The following CFAP46 variants were observed in gnomAD, a reference collection of about 807,000 sequenced individuals.
CFAP46 encodes the protein cilia- and flagella-associated protein 46.
Under a neutral mutation model 325.7 loss-of-function variants are expected in CFAP46, and 245 were observed. The ratio of observed to expected loss-of-function variants is 0.75; its 90% CI spans 0.68 to 0.84. The LOEUF (loss-of-function observed/expected upper bound fraction) is 0.84, where lower values mean the gene tolerates loss of function less well. CFAP46 is among the 40% of genes least tolerant of loss of function. The pLI, the probability that CFAP46 is intolerant of heterozygous loss-of-function variation, is 0.00. For synonymous variants in CFAP46, 1,523 were observed against 1,495.9 expected (o/e 1.02, Z -0.42); for missense variants, 3,346 against 3,543.0 (o/e 0.94, Z 1.41).
Position 132,916,655 on chromosome 10 carries a change from CT to C in CFAP46, c.2013del (p.Gly672ValfsTer2). On this transcript the variant is annotated frameshift_variant, in exon 17 of 58. Transcript: ENST00000368586. LOFTEE classifies it high-confidence loss of function. ...AEATVHLLRS[E>X]GVELNDRAIP... ...ATGGCCCGGTCATTCAGCTCTACACCTTCTGACCGCAGCAAATGAACCGTGG... is the reference window on the plus strand; with the variant it reads ...ATGGCCCGGTCATTCAGCTCTACACCTCTGACCGCAGCAAATGAACCGTGG... The C allele has an allele frequency of 6.7e-7, 1 of 1,500,832 alleles. No homozygotes were observed. The highest frequency in any genetic ancestry group is 8.9e-7 in the Non-Finnish European group (1 of 1,120,824). 93.0% of individuals were successfully genotyped at this position (1,500,832 alleles called of 1,614,324 possible). A position where few individuals can be genotyped will look rare whatever the true frequency, so the allele number is the denominator to read the frequency against.
chr10:132,881,594 A>C lies in CFAP46; in HGVS notation c.3628-562T>G, dbSNP rs115458550. On this transcript the variant is annotated intron_variant, in intron 27 of 57. Coordinates refer to ENST00000368586, the MANE Select transcript of CFAP46 (RefSeq NM_001200049.3). ...CTTGCAGAGCAGAGCCTCAGCCCTG[A>C]GAGCCAGGGTTAGCCTGCACCGCAC... 5.3e-3 allele frequency among the ~76,000 whole-genome samples: 796 copies of C among 151,476 alleles called. 6 individuals carry two copies. The highest frequency in any genetic ancestry group is 0.018 in the African/African-American group (730 of 41,026).
chr10:132,931,616 G>C (rs567227618), intron 8 of CFAP46, among the ~76,000 whole-genome samples: 2 of 131,004 alleles, frequency 1.5e-5, no homozygotes, highest in Admixed American at 1.5e-4. Context: ...CAGAGGCTAG[G>C]CCTCCCCACA....
chr10:132,910,050 T>G lies in CFAP46; in HGVS notation c.2518A>C (p.Asn840His). 1 of 1,510,582 alleles carries G rather than the reference T, an allele frequency of 6.6e-7. No homozygotes were observed. The highest frequency in any genetic ancestry group is 8.8e-7 in the Non-Finnish European group (1 of 1,130,798). The allele number at this position is 1,510,582 out of a possible 1,614,324, so 93.6% of individuals were successfully genotyped here. The change falls in exon 20 of 58, where the codon AAC becomes CAC. Residue 840 changes from asparagine to histidine, a missense_variant. By Grantham distance (68) the Asn-to-His change is moderately conservative. Coordinates refer to ENST00000368586, the MANE Select transcript of CFAP46 (RefSeq NM_001200049.3). The part of the protein sequence containing the change: ...TAVEVCEFAL[N>H]LTNGSAPEET... ...TCGGGCGCACTCCCATTGGTCAGGT[T>G]CAGGGCAAACTCGCAGACCTAGGAC...
chr10:132,809,058 C>T (rs1315699920), intron 57 of CFAP46, among the ~76,000 whole-genome samples, 154 bp from the exon 58 acceptor site: 3 of 152,160 alleles, frequency 2.0e-5, no homozygotes, highest in East Asian at 1.9e-4. Flanking sequence ...AGGGCGCCCC[C>T]ACCACCCGCA....
intron 31 of CFAP46, among the ~76,000 whole-genome samples, chr10:132,874,819 A>G (rs1848938471): frequency 6.6e-6 from 1 of 152,258 alleles, no homozygotes; most frequent in Non-Finnish European, 1.5e-5. Context: ...TATACTTCAG[A>G]GTAAAATGCT....
rs1848092089 is a variant in CFAP46 at position 132,828,239 on chromosome 10, A to G, written c.7117+5119T>C. ...GTAGATGGAGTGGAATGACTGCGGC[A>G]TACAACAGGCCTGCTTTAACTTCTT... On this transcript the variant is annotated intron_variant, in intron 50 of 57. Coordinates refer to ENST00000368586, the MANE Select transcript of CFAP46 (RefSeq NM_001200049.3). The surrounding 1 kb of genome is among the most constrained non-coding windows in gnomAD (Gnocchi z 4.9). Among the ~76,000 whole-genome samples, 1 of 152,226 alleles carries G rather than the reference A, an allele frequency of 6.6e-6. No homozygotes were observed. The highest frequency in any genetic ancestry group is 1.5e-5 in the Non-Finnish European group (1 of 68,038).
At chr10:132,810,299 C>G (rs189722854) in intron 57 of CFAP46, 110 bp downstream of exon 57, 4 of 898,530 alleles carry the variant, frequency 4.5e-6, no homozygotes, top group Non-Finnish European at 7.4e-6. Context: ...AGGTCCCCCA[C>G]GGAGAAGCGG....
chr10:132,900,904 C>A (rs1266123983), intron 22 of CFAP46, among the ~76,000 whole-genome samples: 1 of 152,230 alleles, frequency 6.6e-6, no homozygotes, highest in Non-Finnish European at 1.5e-5. Context: ...CCATGTTTTA[C>A]TTCCTGTATT....
chr10:132,858,921 C>T (rs1400993272), intron 38 of CFAP46, 150 bp downstream of exon 38: 5 of 769,960 alleles, frequency 6.5e-6, no homozygotes, highest in African/African-American at 5.3e-5. Context: ...GTGGGTGAGG[C>T]GGCAGCCGAG....
intron 50 of CFAP46, among the ~76,000 whole-genome samples, chr10:132,822,728 CTG>C (rs1368996168): frequency 4.3e-5 from 5 of 116,812 alleles, no homozygotes; most frequent in African/African-American, 1.7e-4. Context: ...CTGATGTGTG[CTG>C]TGTGTGCAGT....
At position 132,867,493 on chromosome 10, in the gene CFAP46, A is replaced by C; in HGVS notation, c.4625T>G (p.Ile1542Ser). The change falls in exon 34 of 58, where the codon ATC becomes AGC. Residue 1542 changes from isoleucine (I) to serine (S), a missense_variant. Coordinates refer to ENST00000368586, the MANE Select transcript of CFAP46 (RefSeq NM_001200049.3). ...ELEQASCRKE[I>S]ALKKEKNKEP... ...CTTATTTTTCTCTTTTTTCAACGCG[A>C]TCTCTTTTCTGCAGCTAATGCGAGG... 1 of 1,549,936 alleles carries C rather than the reference A, an allele frequency of 6.5e-7. No homozygotes were observed. The highest frequency in any genetic ancestry group is 2.4e-5 in the East Asian group (1 of 40,918).
intron 50 of CFAP46, among the ~76,000 whole-genome samples, chr10:132,830,643 G>A (rs1848133541): frequency 6.6e-6 from 1 of 152,180 alleles, no homozygotes; most frequent in Non-Finnish European, 1.5e-5. Context: ...TGACTCTGTA[G>A]TGATGCTGCC....
rs774101168 is a variant in CFAP46, at chr10:132,920,036, G to A, written c.1730+23C>T. On this transcript the variant is annotated intron_variant, in intron 14 of 57. Coordinates refer to ENST00000368586, the MANE Select transcript of CFAP46 (RefSeq NM_001200049.3). ...ACCCCCGGGCTGAGCTGTGCGTGGC[G>A]CTCTGGCCTTTTCCTCACTCACCTC... The A allele has an allele frequency of 7.9e-6, 12 of 1,522,436 alleles. No individual in the cohort carries two copies. In the African/African-American group the frequency reaches 9.7e-5, roughly 12 times the overall value. 94.3% of individuals were successfully genotyped at this position (1,522,436 alleles called of 1,614,324 possible). A position where few individuals can be genotyped will look rare whatever the true frequency, so the allele number is the denominator to read the frequency against.
chr10:132,845,112 C>A (rs540974518), intron 44 of CFAP46, among the ~76,000 whole-genome samples: 1 of 152,332 alleles, frequency 6.6e-6, no homozygotes, highest in South Asian at 2.1e-4. Flanking sequence ...GCCATGCACA[C>A]CCTCCTGGAC....
rs541637076 is a variant in CFAP46 at position 132,885,689 on chromosome 10, T to C, written c.3443+132A>G. The C allele has an allele frequency of 6.1e-5, 33 of 540,690 alleles. No individual in the cohort carries two copies. The African/African-American group carries it at 9.9e-4, about 16-fold the overall frequency. The allele number at this position is 540,690 out of a possible 1,614,324, so 33.5% of individuals were successfully genotyped here. ...AGGTGGTGGGGGGAGCACACTCCGGTGGGGGAGCACACCCCCGGTGGGGAT... is the reference window on the plus strand; with the variant it reads ...AGGTGGTGGGGGGAGCACACTCCGGCGGGGGAGCACACCCCCGGTGGGGAT... On this transcript the variant is annotated intron_variant, in intron 26 of 57. Coordinates refer to ENST00000368586, the MANE Select transcript of CFAP46 (RefSeq NM_001200049.3).
Position 132,860,460 on chromosome 10 carries a change from G to T in CFAP46, c.5155C>A (p.Arg1719=). 6.4e-7 allele frequency: 1 copy of T among 1,551,246 alleles called. No homozygotes were observed. Among genetic ancestry groups the T allele is most frequent in the Non-Finnish European group, 8.7e-7 (1 of 1,147,094 alleles). The change falls in exon 37 of 58, where the codon CGA becomes AGA. Residue 1719 remains arginine, a synonymous_variant. Coordinates refer to ENST00000368586, the MANE Select transcript of CFAP46 (RefSeq NM_001200049.3). Reference sequence around the variant, plus strand: ...ATCATGAATTCCAGTAAAGGCAATCGGTTTGGTCTTTCTTTCTTGAGGATC... The same window carrying T: ...ATCATGAATTCCAGTAAAGGCAATCTGTTTGGTCTTTCTTTCTTGAGGATC... ...FKILKKERPN[R]LPLLEFMITD...
At chr10:132,878,220 G>T in intron 29 of CFAP46, 133 bp from the exon 30 acceptor site, 1 of 847,760 alleles carries the variant, frequency 1.2e-6, no homozygotes, top group Non-Finnish European at 1.8e-6. Flanking sequence ...GTGGTCTTGC[G>T]TCCCCGTCAG....
At chr10:132,857,457 G>T (rs975017829) in intron 39 of CFAP46, 133 bp downstream of exon 39, 3 of 821,354 alleles carry the variant, frequency 3.7e-6, no homozygotes, top group Non-Finnish European at 5.7e-6. Context: ...GTTTCAGATG[G>T]GGGAGTATCT....
rs1850112281 is a variant in CFAP46 at position 132,942,056 on chromosome 10, A to T, written c.98T>A (p.Leu33Gln). The stretch of plus-strand genomic sequence containing the variant: ...TGAGGGGTCAAACTCCGATTTCCCT[A>T]GGTTGGCCGATTTGATCAACTCGTA... ...KAYELIKSAN[L>Q]GKSEFDPSES... Residue 33 changes from leucine to glutamine, a missense_variant, in exon 2 of 58, where the codon CTA becomes CAA. Transcript: ENST00000368586. 1.3e-6 allele frequency: 2 copies of T among 1,551,764 alleles called. No individual in the cohort carries two copies. The highest frequency in any genetic ancestry group is 2.0e-5 in the Admixed American group (1 of 51,008).
Sources: allele counts gnomAD v4.1 joint callset (sites outside exome capture counted in the v4.1 genomes callset), GRCh38; gene constraint gnomAD v4.1.1; non-coding constraint Gnocchi (gnomAD v3.1); transcripts MANE v1.5; gene names NCBI Gene and HGNC (gene_info 2026-07-23, HGNC 2026-07-21).